The following HTR4 variants were observed in gnomAD, a reference collection of about 807,000 sequenced individuals.
HTR4 encodes the protein 5-hydroxytryptamine receptor 4, also known as 5-hydroxytryptamine (serotonin) receptor 4, G protein-coupled.
A neutral mutation model predicts 36.8 loss-of-function variants in HTR4; 16 were observed. The ratio of observed to expected loss-of-function variants is 0.43; its 90% CI spans 0.29 to 0.66. The LOEUF (loss-of-function observed/expected upper bound fraction) is 0.66. HTR4 is among the 30% of genes least tolerant of loss of function. HTR4 has a pLI of 0.13. For missense variants in HTR4, 438 were observed against 490.9 expected (o/e 0.89, Z 1.02); for synonymous variants, 189 against 185.1 (o/e 1.02, Z -0.17).
Position 148,483,189 on chromosome 5 carries a change from A to G in HTR4, c.*14T>C, listed in dbSNP as rs756193511. On this transcript the variant is annotated 3_prime_UTR_variant, in exon 7 of 7. Transcript: ENST00000377888. ...CGGAGGCATGGCTGTCTTCTGGGTC[A>G]TTGTCCCAGGGGCCTAAGTGTCACT... is the stretch of plus-strand genomic sequence containing the variant. 6 of 1,613,800 alleles carry G rather than the reference A, an allele frequency of 3.7e-6. No individual in the cohort carries two copies. The African/African-American group carries it at 6.7e-5, about 18-fold the overall frequency.
intron 4 of HTR4, among the ~76,000 whole-genome samples, chr5:148,535,844 C>G (rs1390093201): frequency 1.3e-5 from 2 of 152,120 alleles, no homozygotes; most frequent in Non-Finnish European, 2.9e-5. Flanking sequence ...ACTCCCCCAA[C>G]CTTGCTAGAG....
chr5:148,480,923 A>G (rs1384515451), downstream of HTR4, among the ~76,000 whole-genome samples: 1 of 152,210 alleles, frequency 6.6e-6, no homozygotes, highest in Middle Eastern at 3.2e-3. Context: ...TTTCACAAAA[A>G]AATTATCTTA....
intron 2 of HTR4, among the ~76,000 whole-genome samples, chr5:148,598,375 T>C (rs373049845): frequency 3.3e-5 from 5 of 152,040 alleles, no homozygotes; most frequent in African/African-American, 1.2e-4. Flanking sequence ...TCAAACCCCA[T>C]CTCTACTAAA....
chr5:148,597,080 T>C (rs986922977), intron 2 of HTR4, among the ~76,000 whole-genome samples: 19 of 152,150 alleles, frequency 1.2e-4, no homozygotes, highest in Non-Finnish European at 2.6e-4. Context: ...GAAGCCCAGC[T>C]CAGATGCTGG....
chr5:148,577,527 T>C (rs1314374479), intron 2 of HTR4, among the ~76,000 whole-genome samples: 3 of 152,098 alleles, frequency 2.0e-5, no homozygotes, highest in Admixed American at 6.6e-5. Context: ...CGAATGTTCA[T>C]TGCAGCACCA....
intron 2 of HTR4, among the ~76,000 whole-genome samples, chr5:148,583,861 T>TA (rs774627657): frequency 1.3e-5 from 2 of 152,126 alleles, no homozygotes; most frequent in Non-Finnish European, 2.9e-5. Flanking sequence ...GTTGAAGCTC[T>TA]AGTCCTGGAA....
intron 6 of HTR4, among the ~76,000 whole-genome samples, chr5:148,507,381 G>T (rs1171637838): frequency 8.9e-6 from 1 of 111,880 alleles, no homozygotes; most frequent in African/African-American, 3.5e-5. Flanking sequence ...TCGTGGGGTG[G>T]GGGGAGGGGG....
chr5:148,591,241 A>G lies in HTR4; in HGVS notation c.27-40979T>C, dbSNP rs1000542299. On this transcript the variant is annotated intron_variant, in intron 2 of 6. Transcript: ENST00000377888. ...GTTTTGGTTACTGTAGCCTTGTAGC[A>G]TAGTTTGAAGTGAGTAACATTACGC... Among the ~76,000 whole-genome samples, 6 of 152,264 alleles carry G rather than the reference A, an allele frequency of 3.9e-5. No individual in the cohort carries two copies. The South Asian group carries it at 1.0e-3, about 26-fold the overall frequency.
intron 6 of HTR4, among the ~76,000 whole-genome samples, chr5:148,486,734 T>A (rs1756177445): frequency 6.6e-6 from 1 of 152,202 alleles, no homozygotes; most frequent in African/African-American, 2.4e-5. Context: ...TACTTTATAT[T>A]CCATGTGGAG....
chr5:148,517,634 TCAAAA>T (rs1757817842), intron 5 of HTR4, among the ~76,000 whole-genome samples: 2 of 103,882 alleles, frequency 1.9e-5, no homozygotes, highest in Non-Finnish European at 1.9e-5. Flanking sequence ...TTCTAATTTT[TCAAAA>T]AAAAAAAAAA....
chr5:148,509,684 G>A lies in HTR4; in HGVS notation c.848C>T (p.Pro283Leu), dbSNP rs147173991. ...CCCAGGGACAGTGTAGTCTATGAAA[G>A]GATCCACAATATTGGTGACAAAGAA... ...APFFVTNIVD[P>L]FIDYTVPGQV... Residue 283 changes from proline to leucine, a missense_variant, in exon 6 of 7, where the codon CCT becomes CTT. Transcript: ENST00000377888. The A allele has an allele frequency of 1.2e-6, 2 of 1,614,008 alleles. No homozygotes were observed. The highest frequency in any genetic ancestry group is 2.7e-5 in the African/African-American group (2 of 74,936).
chr5:148,564,575 C>T (rs992655745), intron 2 of HTR4, among the ~76,000 whole-genome samples: 11 of 152,166 alleles, frequency 7.2e-5, no homozygotes, highest in Non-Finnish European at 1.2e-4. Flanking sequence ...TTTCCCCCTT[C>T]ATTCAGCTCA....
chr5:148,640,872 A>G (rs2127311413), intron 1 of HTR4, among the ~76,000 whole-genome samples: 1 of 152,366 alleles, frequency 6.6e-6, no homozygotes, highest in East Asian at 1.9e-4. Context: ...AAAATCTTGT[A>G]TATTCATAGC....
intron 2 of HTR4, among the ~76,000 whole-genome samples, chr5:148,588,663 C>T (rs1486035368): frequency 2.0e-5 from 3 of 150,254 alleles, no homozygotes; most frequent in Non-Finnish European, 4.4e-5. Flanking sequence ...GCCTCAGCCT[C>T]CCGAGTAGCT....
In HTR4 at chr5:148,455,595, A is replaced by G. The variant is rs55794043; in HGVS notation, c.1077-4323T>C. Among the ~76,000 whole-genome samples the G allele has an allele frequency of 8.1e-3, 1,237 of 152,250 alleles. 16 individuals are homozygous for G. Among genetic ancestry groups the G allele is most frequent in the African/African-American group, 0.027 (1,105 of 41,548 alleles). On this transcript the variant is annotated intron_variant, in intron 5 of 5. Coordinates refer to the HTR4 transcript ENST00000521530. ...TGAAAGGCAACAGCTCTCTGTGGAT[A>G]TGAGAGTAAGCAGATGGGCACGTTT... is the stretch of plus-strand genomic sequence containing the variant.
At chr5:148,575,346 C>T (rs991945538) in intron 2 of HTR4, among the ~76,000 whole-genome samples, 2 of 150,510 alleles carry the variant, frequency 1.3e-5, no homozygotes, top group African/African-American at 2.5e-5. Flanking sequence ...TCTTTCTGCT[C>T]ACCCCCTCCC....
chr5:148,452,496 G>T (rs1176110787), intron 5 of HTR4, among the ~76,000 whole-genome samples: 1 of 152,208 alleles, frequency 6.6e-6, no homozygotes, highest in East Asian at 1.9e-4. Flanking sequence ...CACCTAGCGG[G>T]TAGGGACCGG....
At chr5:148,604,088 A>G (rs949406287) in intron 2 of HTR4, among the ~76,000 whole-genome samples, 1 of 152,138 alleles carries the variant, frequency 6.6e-6, no homozygotes, top group Admixed American at 6.5e-5. Flanking sequence ...AGAAAAACTT[A>G]TGGGTTTTCT....
intron 1 of HTR4, chr5:148,644,890 G>A (rs1055281637): frequency 6.6e-6 from 1 of 152,170 alleles, no homozygotes; most frequent in African/African-American, 2.4e-5. Context: ...ATGGTCAGGG[G>A]ATCTGCAGGG....
Sources: allele counts gnomAD v4.1 joint callset (sites outside exome capture counted in the v4.1 genomes callset), GRCh38; gene constraint gnomAD v4.1.1; transcripts MANE v1.5; gene names NCBI Gene and HGNC (gene_info 2026-07-23, HGNC 2026-07-21).